Variants in HTR4 observed in about 807,000 individuals in gnomAD.
The protein encoded by HTR4 is 5-hydroxytryptamine (serotonin) receptor 4, G protein-coupled.
A neutral mutation model predicts 36.8 loss-of-function variants in HTR4; 16 were observed. That is an observed-to-expected ratio of 0.43 (90% CI 0.29 to 0.66). The LOEUF (loss-of-function observed/expected upper bound fraction) is 0.66. Among genes scored for constraint, HTR4 ranks in the 30% least tolerant of loss-of-function variants. The pLI is 0.13. For missense variants in HTR4, 438 were observed against 490.9 expected, an observed-to-expected ratio of 0.89 and a Z score of 1.02; for synonymous variants, 189 against 185.1, an observed-to-expected ratio of 1.02 and a Z score of -0.17.
At chr5:148,569,720 G>A (rs1475378174) in intron 2 of HTR4, among the ~76,000 whole-genome samples, 1 of 151,674 alleles carries the variant, frequency 6.6e-6, no homozygotes, top group Non-Finnish European at 1.5e-5. Context: ...ATAGGAGTTT[G>A]AATAAAATAA....
chr5:148,499,826 C>G (rs1414283341), intron 6 of HTR4, among the ~76,000 whole-genome samples: 1 of 152,120 alleles, frequency 6.6e-6, no homozygotes, highest in Non-Finnish European at 1.5e-5. Context: ...TGTCACTCTA[C>G]TAGTTATTGT....
chr5:148,547,325 C>T (rs1759426658), intron 4 of HTR4, among the ~76,000 whole-genome samples: 1 of 151,968 alleles, frequency 6.6e-6, no homozygotes, highest in East Asian at 1.9e-4. Context: ...TTAAAAAAAA[C>T]AGTGATTGTC....
At chr5:148,604,742 A>G (rs1174142836) in intron 2 of HTR4, among the ~76,000 whole-genome samples, 2 of 152,264 alleles carry the variant, frequency 1.3e-5, no homozygotes, top group African/African-American at 4.8e-5. Flanking sequence ...GAAAGAGGCC[A>G]GACACTAAAC....
At chr5:148,500,710 G>T (rs551629104) in intron 6 of HTR4, among the ~76,000 whole-genome samples, 3 of 151,880 alleles carry the variant, frequency 2.0e-5, no homozygotes, top group African/African-American at 7.2e-5. Context: ...ACATAAAGAT[G>T]CACTTTATAT....
At chr5:148,476,600 C>T (rs191609287), downstream of HTR4, 150 of 1,503,478 alleles carry the variant, frequency 1.0e-4, no homozygotes, top group African/African-American at 1.9e-3. Context: ...GTGGAGATGC[C>T]GTAACAATGA....
At chr5:148,610,539 T>C (rs1361862934) in intron 2 of HTR4, among the ~76,000 whole-genome samples, 2 of 151,746 alleles carry the variant, frequency 1.3e-5, no homozygotes, top group Non-Finnish European at 2.9e-5. Context: ...ATCACCATCA[T>C]CAAAGACCAA....
intron 2 of HTR4, among the ~76,000 whole-genome samples, chr5:148,551,746 G>A (rs539678010): frequency 6.6e-6 from 1 of 152,252 alleles, no homozygotes; most frequent in Non-Finnish European, 1.5e-5. Context: ...TGGCTGATGA[G>A]CTAAAAAACA....
chr5:148,620,543 GA>G (rs546296432), intron 2 of HTR4, among the ~76,000 whole-genome samples: 17 of 152,176 alleles, frequency 1.1e-4, no homozygotes, highest in Non-Finnish European at 2.5e-4. Context: ...AATGGATTTT[GA>G]AAACTAAGTA....
At chr5:148,484,419 A>T (rs1428390892) in intron 6 of HTR4, 1 of 1,581,084 alleles carries the variant, frequency 6.3e-7, no homozygotes, top group Non-Finnish European at 8.6e-7. Flanking sequence ...ATTATTATAC[A>T]ACAGTGAATC....
At chr5:148,564,010 C>T (rs1271395195) in intron 2 of HTR4, among the ~76,000 whole-genome samples, 1 of 152,218 alleles carries the variant, frequency 6.6e-6, no homozygotes, top group Non-Finnish European at 1.5e-5. Context: ...ACTCTCAACA[C>T]TGAAGTCAAG....
At chr5:148,642,323 A>G (rs1472121113) in intron 1 of HTR4, among the ~76,000 whole-genome samples, 3 of 152,180 alleles carry the variant, frequency 2.0e-5, no homozygotes, top group African/African-American at 4.8e-5. Context: ...TCTATTCACT[A>G]TTCATGATCT....
At chr5:148,610,903 G>T (rs1034098809) in intron 2 of HTR4, among the ~76,000 whole-genome samples, 10 of 149,074 alleles carry the variant, frequency 6.7e-5, no homozygotes, top group African/African-American at 2.5e-4. Context: ...GAGCCGATGC[G>T]ATCAACTGGA....
At chr5:148,560,205 TAAAA>T (rs34166829) in intron 2 of HTR4, among the ~76,000 whole-genome samples, 5,690 of 91,380 alleles carry the variant, frequency 0.062, 159 homozygotes, top group African/African-American at 0.088. Context: ...GCTTTTTTTT[TAAAA>T]AAAAAAAAAA....
intron 2 of HTR4, among the ~76,000 whole-genome samples, chr5:148,578,493 GCATA>G (rs1463606097): frequency 6.6e-6 from 1 of 152,018 alleles, no homozygotes; most frequent in African/African-American, 2.4e-5. Flanking sequence ...AATCTAACAT[GCATA>G]CTTTCAATGA....
At chr5:148,653,404 A>G (rs1446124308) in intron 1 of HTR4, among the ~76,000 whole-genome samples, 3 of 152,206 alleles carry the variant, frequency 2.0e-5, no homozygotes, top group Admixed American at 2.0e-4. Context: ...CTAACAGCAC[A>G]GTGCCGCACA....
In HTR4 at chr5:148,650,338, C is replaced by T. The variant is rs140316011; in HGVS notation, c.-48+3724G>A. Among the ~76,000 whole-genome samples, 733 of 152,268 alleles carry T rather than the reference C, an allele frequency of 4.8e-3. 31 individuals are homozygous for T. Among genetic ancestry groups the T allele is most frequent in the Admixed American group, 0.038 (585 of 15,294 alleles). On this transcript the variant is annotated intron_variant, in intron 1 of 6. Transcript: ENST00000377888. ...AAAAAAAATAGTCAACCTTCTCAGA[C>T]GTGCCTTAGATTTGCAAGCATATTA...
chr5:148,620,997 T>C (rs549484783), intron 2 of HTR4, among the ~76,000 whole-genome samples: 9 of 152,304 alleles, frequency 5.9e-5, no homozygotes, highest in Middle Eastern at 3.4e-3. Context: ...ACCCCATTCA[T>C]CACATATGTA....
intron 2 of HTR4, among the ~76,000 whole-genome samples, chr5:148,614,404 C>T (rs557713922): frequency 4.9e-4 from 74 of 152,284 alleles, no homozygotes; most frequent in African/African-American, 1.7e-3. Context: ...TGATCTTTGA[C>T]AAACTTGAGA....
At chr5:148,470,114 G>A (rs944945345) in intron 5 of HTR4, among the ~76,000 whole-genome samples, 2 of 152,134 alleles carry the variant, frequency 1.3e-5, no homozygotes, top group African/African-American at 4.8e-5. Flanking sequence ...ATTGTGAGAA[G>A]GGCACTGTCC....
Sources: gnomAD v4.1 joint callset for allele counts (sites outside exome capture counted in the v4.1 genomes callset) on GRCh38, gnomAD v4.1.1 for gene constraint, MANE v1.5 for transcripts, NCBI Gene and HGNC (gene_info 2026-07-23, HGNC 2026-07-21) for gene names.